The following DNAJC3 variants were observed in gnomAD, a reference collection of about 807,000 sequenced individuals.
DNAJC3 encodes dnaJ homolog subfamily C member 3.
Under a neutral mutation model 68.6 loss-of-function variants are expected in DNAJC3, and 38 were observed. The observed-to-expected ratio is 0.55, with a 90% CI of 0.43 to 0.73. The LOEUF is 0.73. Ranked by LOEUF, DNAJC3 falls within the 30% of genes least tolerant of loss-of-function variation. The pLI is 0.00. For synonymous variants in DNAJC3, 203 were observed against 204.0 expected (o/e 1.00, Z 0.04); for missense variants, 526 against 591.9 (o/e 0.89, Z 1.16).
At chr13:95,695,130 C>T (rs1251925849) in intron 1 of DNAJC3, 1 of 152,182 alleles carries the variant, frequency 6.6e-6, no homozygotes, top group Non-Finnish European at 1.5e-5. Flanking sequence ...TCCTACCCTT[C>T]ATCATTATAG....
At position 95,792,918 on chromosome 13, in the gene DNAJC3, A is replaced by AG. The variant is rs1010441744; in HGVS notation, c.*1889dup. 2.6e-5 allele frequency: 4 copies of AG among 152,232 alleles called. No individual in the cohort carries two copies. Among genetic ancestry groups the AG allele is most frequent in the African/African-American group, 9.6e-5 (4 of 41,458 alleles). The allele number at this position is 152,232 out of a possible 1,614,324, so 9.4% of individuals were successfully genotyped here. A position where few individuals can be genotyped will look rare whatever the true frequency, so the allele number is the denominator to read the frequency against. ...TTGAAAAGAATTTTCACATAGAGTC[A>AG]GAAAAAAAAGGAAATATCAAATCAC... On this transcript the variant is annotated 3_prime_UTR_variant, in exon 12 of 12. Coordinates refer to ENST00000602402, the MANE Select transcript of DNAJC3 (RefSeq NM_006260.5).
chr13:95,765,711 A>G (rs540524039), intron 9 of DNAJC3, among the ~76,000 whole-genome samples: 66 of 151,460 alleles, frequency 4.4e-4, no homozygotes, highest in Non-Finnish European at 7.4e-4. Flanking sequence ...AGCTGGGATT[A>G]CAGGTGTGCA....
chr13:95,751,763 T>G (rs958049881), intron 4 of DNAJC3, among the ~76,000 whole-genome samples: 3 of 152,204 alleles, frequency 2.0e-5, no homozygotes, highest in Admixed American at 6.5e-5. Flanking sequence ...ACTGGGTAAT[T>G]TATAAAGGAA....
chr13:95,704,208 AC>A (rs1880655505), intron 1 of DNAJC3, among the ~76,000 whole-genome samples: 1 of 152,188 alleles, frequency 6.6e-6, no homozygotes, highest in Non-Finnish European at 1.5e-5. Flanking sequence ...AGATCTCCAA[AC>A]CATCAGAGCT....
chr13:95,738,370 G>T (rs1226187712), intron 4 of DNAJC3, among the ~76,000 whole-genome samples: 1 of 148,798 alleles, frequency 6.7e-6, no homozygotes, highest in Non-Finnish European at 1.5e-5. Flanking sequence ...TCAATTCCTG[G>T]GTATCCTTGT....
At chr13:95,700,346 A>G (rs969279070) in intron 1 of DNAJC3, among the ~76,000 whole-genome samples, 6 of 152,178 alleles carry the variant, frequency 3.9e-5, no homozygotes, top group Non-Finnish European at 5.9e-5. Context: ...AGTTTCTCGA[A>G]CTAACCAGCT....
Position 95,785,919 on chromosome 13 carries a change from T to C in DNAJC3, c.1076-20T>C. ...ATTATAATTTGCCTTAACAATATTA[T>C]CTTAAACATATTTTGACAGCTATTC... On this transcript the variant is annotated intron_variant, in intron 9 of 11. Transcript: ENST00000602402. The C allele has an allele frequency of 6.4e-7, 1 of 1,567,964 alleles. No individual in the cohort carries two copies. The highest frequency in any genetic ancestry group is 1.2e-5 in the South Asian group (1 of 82,604).
chr13:95,714,820 C>T (rs1881087768), intron 2 of DNAJC3, among the ~76,000 whole-genome samples: 1 of 152,188 alleles, frequency 6.6e-6, no homozygotes, highest in Non-Finnish European at 1.5e-5. Context: ...ATACCTTCTA[C>T]CTATTTTATA....
At chr13:95,713,460 A>G (rs893173181) in intron 2 of DNAJC3, among the ~76,000 whole-genome samples, 7 of 152,254 alleles carry the variant, frequency 4.6e-5, no homozygotes, top group Non-Finnish European at 8.8e-5. Context: ...GCTGAAAACC[A>G]CAAAAATAGT....
intron 7 of DNAJC3, among the ~76,000 whole-genome samples, chr13:95,761,882 G>C (rs769713290): frequency 2.0e-5 from 3 of 151,892 alleles, no homozygotes; most frequent in Non-Finnish European, 4.4e-5. Context: ...TGGGACTTCA[G>C]ATGCATGCTA....
chr13:95,791,427 G>T lies in DNAJC3; in HGVS notation c.*397G>T. On this transcript the variant is annotated 3_prime_UTR_variant, in exon 12 of 12. Transcript: ENST00000602402. ...AAGGAGCTGTAATCTTCATGAGGAT[G>T]GTTATACTTCAGTATTCTTAAAGAG... 4.6e-6 allele frequency: 1 copy of T among 216,132 alleles called. No homozygotes were observed. Among genetic ancestry groups the T allele is most frequent in the Non-Finnish European group, 9.2e-6 (1 of 108,144 alleles). The allele number at this position is 216,132 out of a possible 1,614,324, so 13.4% of individuals were successfully genotyped here.
intron 4 of DNAJC3, among the ~76,000 whole-genome samples, chr13:95,755,537 T>A (rs1041772161): frequency 2.0e-5 from 3 of 151,548 alleles, no homozygotes; most frequent in African/African-American, 7.3e-5. Flanking sequence ...GGCGGGCGGA[T>A]CACAAGGTCA....
At chr13:95,731,345 A>G (rs1259244559) in intron 4 of DNAJC3, among the ~76,000 whole-genome samples, 2 of 152,150 alleles carry the variant, frequency 1.3e-5, no homozygotes, top group African/African-American at 4.8e-5. Flanking sequence ...ATTGAGTAGG[A>G]GTGGTGAAGG....
At chr13:95,790,358 T>A (rs556782527) in intron 11 of DNAJC3, among the ~76,000 whole-genome samples, 2 of 152,198 alleles carry the variant, frequency 1.3e-5, no homozygotes, top group South Asian at 2.1e-4. Flanking sequence ...GGGGCACCAA[T>A]TGCATGGGAG....
At chr13:95,733,750 A>C (rs897455693) in intron 4 of DNAJC3, among the ~76,000 whole-genome samples, 6 of 144,408 alleles carry the variant, frequency 4.2e-5, no homozygotes, top group Non-Finnish European at 7.5e-5. Context: ...TTAAACCGAT[A>C]AATACGTTTT....
chr13:95,709,924 C>G (rs1194233658), intron 2 of DNAJC3, among the ~76,000 whole-genome samples: 2 of 152,230 alleles, frequency 1.3e-5, no homozygotes, highest in African/African-American at 4.8e-5. Flanking sequence ...CAGGCGTGAG[C>G]CACTGCGCCC....
Position 95,760,754 on chromosome 13 carries a change from T to C in DNAJC3, c.804T>C (p.Leu268=), listed in dbSNP as rs1882797613. Residue 268 remains leucine, a synonymous_variant, in exon 7 of 12, where the codon CTT becomes CTC. Coordinates refer to ENST00000602402, the MANE Select transcript of DNAJC3 (RefSeq NM_006260.5). ...CFAHYKQVKK[L]NKLIESAEEL... is the part of the protein sequence containing the mutation. ...CACACTATAAACAAGTAAAGAAACT[T>C]AATAAGCTGATTGAGTCAGCTGAAG... 1.2e-6 allele frequency: 2 copies of C among 1,612,646 alleles called. No individual in the cohort carries two copies. The highest frequency in any genetic ancestry group is 1.7e-6 in the Non-Finnish European group (2 of 1,179,350).
At chr13:95,697,561 A>G (rs997190027) in intron 1 of DNAJC3, among the ~76,000 whole-genome samples, 2 of 152,200 alleles carry the variant, frequency 1.3e-5, no homozygotes, top group Non-Finnish European at 2.9e-5. Flanking sequence ...CTGCATATCT[A>G]GCAAGATCAG....
At chr13:95,744,829 C>T (rs920740749) in intron 4 of DNAJC3, 1 of 152,308 alleles carries the variant, frequency 6.6e-6, no homozygotes, top group Admixed American at 6.5e-5. Flanking sequence ...AGTGCGCAGT[C>T]TTCCAAATGA....
Sources: allele counts gnomAD v4.1 joint callset (sites outside exome capture counted in the v4.1 genomes callset), GRCh38; gene constraint gnomAD v4.1.1; transcripts MANE v1.5; gene names NCBI Gene and HGNC (gene_info 2026-07-23, HGNC 2026-07-21).